Variants in LIMK1 observed in about 807,000 individuals in gnomAD.
LIMK1 encodes LIM motif-containing protein kinase.
Under a neutral mutation model 77.6 loss-of-function variants are expected in LIMK1, and 21 were observed. The observed-to-expected ratio is 0.27, with a 90% CI of 0.19 to 0.39. The LOEUF is 0.39. LIMK1 is among the 10% of genes least tolerant of loss of function. LIMK1 has a pLI of 1.00. For synonymous variants in LIMK1, 358 were observed against 370.0 expected (o/e 0.97, Z 0.37); for missense variants, 696 against 901.6 (o/e 0.77, Z 2.92).
In LIMK1 at chr7:74,115,829, G is replaced by A; in HGVS notation, c.1438G>A (p.Gly480Arg). Residue 480 changes from glycine (G) to arginine (R), a missense_variant, in exon 13 of 16, where the codon GGG becomes AGG. Gly to Arg is a moderately radical substitution (Grantham distance 125). Transcript: ENST00000336180. ...CAAGAATGTGGTGGTGGCTGACTTC[G>A]GGCTGGCGCGTCTCATGGTGGACGA... is the stretch of plus-strand genomic sequence containing the variant. ...ENKNVVVADF[G>R]LARLMVDEKT... is the part of the protein sequence containing the mutation. 2 of 1,614,098 alleles carry A rather than the reference G, an allele frequency of 1.2e-6. No individual in the cohort carries two copies. The highest frequency in any genetic ancestry group is 1.7e-6 in the Non-Finnish European group (2 of 1,179,994).
Position 74,107,051 on chromosome 7 carries a change from T to C in LIMK1, c.923T>C (p.Leu308Pro). Residue 308 changes from leucine to proline, a missense_variant, in exon 8 of 16, where the codon CTG (leucine) becomes CCG (proline). Leu to Pro is a moderately conservative substitution (Grantham distance 98). Around this residue, in one of 3 missense-constraint regions of LIMK1, gnomAD observed 438 missense variants for 602.3 expected, o/e 0.73. Transcript: ENST00000336180. ...GACAGGTCTCCGGGCGCTGGCTCAC[T>C]GGGCTCCCCGGCCTCCCAGCGCAAG... Reference protein sequence around the residue: ...SIDRSPGAGSLGSPASQRKDL... With the variant: ...SIDRSPGAGSPGSPASQRKDL... The C allele has an allele frequency of 6.2e-7, 1 of 1,604,082 alleles. No individual in the cohort carries two copies. Among genetic ancestry groups the C allele is most frequent in the Non-Finnish European group, 8.5e-7 (1 of 1,176,642 alleles).
intron 4 of LIMK1, 83 bp from the exon 5 acceptor site, chr7:74,098,949 A>G (rs2115670487): frequency 9.4e-7 from 1 of 1,060,950 alleles, no homozygotes; most frequent in East Asian, 2.4e-5. Flanking sequence ...TTGGGGGAAG[A>G]GCCTGGGGCT....
intron 10 of LIMK1, chr7:74,110,524 T>G (rs1799674282): frequency 6.6e-6 from 1 of 151,992 alleles, no homozygotes. Context: ...GAAAGATGAG[T>G]TTTTTGTTTT....
chr7:74,092,618 G>A (rs1799258888), intron 2 of LIMK1, among the ~76,000 whole-genome samples: 1 of 152,000 alleles, frequency 6.6e-6, no homozygotes, highest in Admixed American at 6.6e-5. Context: ...TACTGCCTCT[G>A]CGAGGTCCCC....
intron 2 of LIMK1, among the ~76,000 whole-genome samples, chr7:74,094,809 G>A (rs934335878): frequency 7.3e-5 from 11 of 151,624 alleles, no homozygotes; most frequent in Admixed American, 2.6e-4. Context: ...CTGACGTGGC[G>A]TCTCCTGCCG....
intron 2 of LIMK1, among the ~76,000 whole-genome samples, chr7:74,090,629 A>G (rs1178767327): frequency 6.6e-6 from 1 of 152,134 alleles, no homozygotes; most frequent in Non-Finnish European, 1.5e-5. Flanking sequence ...GGCTTGAGGC[A>G]TTGGGCCCGG....
chr7:74,096,813 C>T, intron 3 of LIMK1, 53 bp downstream of exon 3: 8 of 1,532,770 alleles, frequency 5.2e-6, no homozygotes, highest in Non-Finnish European at 6.2e-6. Context: ...TCCAAGCAGA[C>T]CCCATGCTCC....
chr7:74,119,774 G>A (rs905300991), intron 13 of LIMK1, among the ~76,000 whole-genome samples: 1 of 151,916 alleles, frequency 6.6e-6, no homozygotes, highest in Admixed American at 6.6e-5. Context: ...TGGGCATGGT[G>A]GCAGGCGCCT....
intron 12 of LIMK1, among the ~76,000 whole-genome samples, chr7:74,115,042 A>G (rs1226808087): frequency 6.6e-6 from 1 of 152,068 alleles, no homozygotes; most frequent in Admixed American, 6.6e-5. Context: ...TGGGCAACAT[A>G]GCAAGACCCT....
chr7:74,121,368 G>A lies in LIMK1; in HGVS notation c.*67G>A. On this transcript the variant is annotated 3_prime_UTR_variant, in exon 16 of 16. Coordinates refer to ENST00000336180, the MANE Select transcript of LIMK1 (RefSeq NM_002314.4). ...TCCACCCCCACCAGATTCCTCCGCG[G>A]GAGGTGGCCCTCAGCTGGGACAGTG... is the stretch of plus-strand genomic sequence containing the variant. The A allele has an allele frequency of 7.0e-7, 1 of 1,429,928 alleles. No homozygotes were observed. 88.6% of individuals were successfully genotyped at this position (1,429,928 alleles called of 1,614,324 possible). A position where few individuals can be genotyped will look rare whatever the true frequency, so the allele number is the denominator to read the frequency against.
intron 12 of LIMK1, among the ~76,000 whole-genome samples, chr7:74,112,596 C>G (rs1799723669): frequency 2.6e-5 from 4 of 152,102 alleles, no homozygotes; most frequent in Admixed American, 2.0e-4. Flanking sequence ...GGGTGGATCA[C>G]TTGAAGCCAG....
intron 5 of LIMK1, among the ~76,000 whole-genome samples, chr7:74,100,753 C>A (rs1346844768): frequency 2.5e-5 from 3 of 120,284 alleles, no homozygotes; most frequent in Non-Finnish European, 5.1e-5. Flanking sequence ...TTTTTTTTTT[C>A]GAGACGGAGT....
intron 3 of LIMK1, 148 bp from the exon 4 acceptor site, chr7:74,096,932 G>T: frequency 2.9e-6 from 3 of 1,050,856 alleles, no homozygotes; most frequent in Non-Finnish European, 4.1e-6. Context: ...CATCTATGGA[G>T]CCAGCTCTGT....
At chr7:74,086,234 C>T (rs995742154) in intron 2 of LIMK1, among the ~76,000 whole-genome samples, 3 of 151,754 alleles carry the variant, frequency 2.0e-5, no homozygotes, top group Non-Finnish European at 4.4e-5. Flanking sequence ...TTAGTAGAGA[C>T]GGGTTTTGCC....
chr7:74,103,143 C>T (rs1231745094), intron 5 of LIMK1, among the ~76,000 whole-genome samples: 3 of 152,148 alleles, frequency 2.0e-5, no homozygotes, highest in Non-Finnish European at 4.4e-5. Context: ...GCTGGGTTTA[C>T]AGGCATGAGC....
Position 74,108,955 on chromosome 7 carries a change from G to A in LIMK1, c.1203G>A (p.Gly401=), listed in dbSNP as rs781908389. 2.5e-6 allele frequency: 4 copies of A among 1,613,954 alleles called. No homozygotes were observed. The African/African-American group carries it at 4.0e-5, about 16-fold the overall frequency. The stretch of plus-strand genomic sequence containing the variant: ...ACCCCAACGTGCTCAAGTTCATCGG[G>A]GTGCTCTACAAGGACAAGAGGCTCA... ...LEHPNVLKFI[G]VLYKDKRLNF... is the part of the protein sequence containing the mutation. The change falls in exon 10 of 16, where the codon GGG becomes GGA. Residue 401 remains glycine, a synonymous_variant. Coordinates refer to ENST00000336180, the MANE Select transcript of LIMK1 (RefSeq NM_002314.4).
At chr7:74,090,715 A>AG (rs1799220043) in intron 2 of LIMK1, among the ~76,000 whole-genome samples, 1 of 152,040 alleles carries the variant, frequency 6.6e-6, no homozygotes, top group African/African-American at 2.4e-5. Context: ...GGCAGGGGCA[A>AG]TGTGATAAGG....
intron 2 of LIMK1, among the ~76,000 whole-genome samples, chr7:74,090,323 C>A (rs1554694601): frequency 6.6e-6 from 1 of 151,468 alleles, no homozygotes; most frequent in South Asian, 2.1e-4. Context: ...TGCAGTGAGT[C>A]AAGATCGCGC....
At chr7:74,100,705 C>T (rs1227627808) in intron 5 of LIMK1, among the ~76,000 whole-genome samples, 1 of 151,676 alleles carries the variant, frequency 6.6e-6, no homozygotes, top group Non-Finnish European at 1.5e-5. Context: ...GTGTGAGCCA[C>T]CGTGCCCGGC....
Sources: gnomAD v4.1 joint callset for allele counts (sites outside exome capture counted in the v4.1 genomes callset) on GRCh38, gnomAD v4.1.1 for gene constraint, gnomAD v4.1.1 regional missense constraint, MANE v1.5 for transcripts, NCBI Gene and HGNC (gene_info 2026-07-23, HGNC 2026-07-21) for gene names.